ZNF469: variants seen among roughly 807,000 people sequenced by gnomAD.
ZNF469 encodes the protein zinc finger protein 469.
ZNF469 carries 1 observed loss-of-function variant against 1.0 expected under a neutral mutation model. The ratio of observed to expected loss-of-function variants is 1.00; its 90% CI spans 0.35 to 4.73. ZNF469 has a LOEUF of 4.73. Ranked by LOEUF, ZNF469 falls within the 30% of genes most tolerant of loss-of-function variation. ZNF469 has a pLI of 0.16. For missense variants in ZNF469, 6,100 were observed against 5,356.3 expected (o/e 1.14, Z -4.33); for synonymous variants, 2,703 against 2,363.4 (o/e 1.14, Z -4.17).
At chr16:88,381,278 TCACA>T (rs199753521), upstream of ZNF469, among the ~76,000 whole-genome samples, 13 of 117,934 alleles carry the variant, frequency 1.1e-4, no homozygotes, top group South Asian at 2.9e-4. Context: ...AGACATGCAC[TCACA>T]CACACGCACT....
At chr16:88,123,017 T>C in the ZNF469 span, among the ~76,000 whole-genome samples, 51 of 152,290 alleles carry the variant, frequency 3.3e-4, 1 homozygote, top group South Asian at 9.3e-3. Context: ...TTTTTGATAC[T>C]CAGATTGCCT....
chr16:88,234,647 G>C, the ZNF469 span: 4 of 152,270 alleles, frequency 2.6e-5, no homozygotes. Context: ...CGCTCTTCTG[G>C]AGCTGGACGG....
At chr16:88,155,045 G>C in the ZNF469 span, among the ~76,000 whole-genome samples, 4,694 of 152,316 alleles carry the variant, frequency 0.031, 225 homozygotes, top group African/African-American at 0.1. Context: ...TGGGGCTGGA[G>C]ATTCTGCATC....
intron 1 of ZNF469, among the ~76,000 whole-genome samples, chr16:88,398,920 C>T (rs1006573425): frequency 1.3e-5 from 2 of 152,224 alleles, no homozygotes; most frequent in African/African-American, 4.8e-5. Context: ...ACCTGCACTG[C>T]CTCATTTCAT....
At chr16:88,362,269 A>C in the ZNF469 span, among the ~76,000 whole-genome samples, 1 of 152,316 alleles carries the variant, frequency 6.6e-6, no homozygotes, top group Admixed American at 6.5e-5. Context: ...TGGTTTTTGC[A>C]TAGAATGTCA....
the ZNF469 span, among the ~76,000 whole-genome samples, chr16:88,328,559 G>A: frequency 1.3e-5 from 2 of 152,214 alleles, no homozygotes; most frequent in Admixed American, 6.5e-5. Flanking sequence ...CGATGCACCT[G>A]GCCTGACATG....
At chr16:88,346,078 T>C in the ZNF469 span, among the ~76,000 whole-genome samples, 11 of 152,240 alleles carry the variant, frequency 7.2e-5, no homozygotes, top group Non-Finnish European at 1.5e-5. Flanking sequence ...GCTAAAGTGC[T>C]GAACTTCACA....
At chr16:88,227,123 A>G in the ZNF469 span, among the ~76,000 whole-genome samples, 1 of 144,122 alleles carries the variant, frequency 6.9e-6, no homozygotes, top group African/African-American at 2.6e-5. Context: ...TCCCTCCTCC[A>G]CGCCGGGGCC....
At chr16:88,366,215 TCAC>T in the ZNF469 span, among the ~76,000 whole-genome samples, 1 of 150,420 alleles carries the variant, frequency 6.6e-6, no homozygotes, top group African/African-American at 2.5e-5. Flanking sequence ...ATCATCATCA[TCAC>T]CACCATCATA....
chr16:88,129,819 T>C, the ZNF469 span, among the ~76,000 whole-genome samples: 1 of 152,220 alleles, frequency 6.6e-6, no homozygotes, highest in African/African-American at 2.4e-5. Flanking sequence ...GATCGTGCCA[T>C]TGCACTTCAG....
At chr16:88,117,607 G>GTGGAGGTGCCACGTGCCTTCGGGGGACCA in the ZNF469 span, among the ~76,000 whole-genome samples, 1 of 148,816 alleles carries the variant, frequency 6.7e-6, no homozygotes, top group East Asian at 2.0e-4. Flanking sequence ...TTCGGGGACC[G>GTGGAGGTGCCACGTGCCTTCGGGGGACCA]TGGAGGTGCC....
chr16:88,306,624 T>C, the ZNF469 span, among the ~76,000 whole-genome samples: 1 of 152,122 alleles, frequency 6.6e-6, no homozygotes, highest in Non-Finnish European at 1.5e-5. Context: ...TGAAGCCCCA[T>C]GACTGCCCGG....
the ZNF469 span, among the ~76,000 whole-genome samples, chr16:88,130,706 CAAAAAAAA>C: frequency 0.021 from 2,166 of 103,444 alleles, 44 homozygotes; most frequent in African/African-American, 0.068. Context: ...AACTCTGTGT[CAAAAAAAA>C]AAAAAAAAAA....
chr16:88,423,900 T>C (rs750683533), intron 1 of ZNF469, among the ~76,000 whole-genome samples: 3 of 152,238 alleles, frequency 2.0e-5, no homozygotes, highest in Non-Finnish European at 4.4e-5. Flanking sequence ...TTCTGTTCAT[T>C]AGCAGTGAGG....
At chr16:88,262,277 A>AC in the ZNF469 span, among the ~76,000 whole-genome samples, 23 of 152,212 alleles carry the variant, frequency 1.5e-4, no homozygotes, top group African/African-American at 4.8e-4. The surrounding 1 kb of genome is among the most constrained non-coding windows in gnomAD (Gnocchi z 4.3). Context: ...GAAGAACTGG[A>AC]CATACTCCAG....
At chr16:88,163,477 T>C in the ZNF469 span, among the ~76,000 whole-genome samples, 1 of 149,034 alleles carries the variant, frequency 6.7e-6, no homozygotes, top group Non-Finnish European at 1.5e-5. Context: ...GATAGAAGGA[T>C]GGACAGAGAA....
chr16:88,188,043 C>T, the ZNF469 span, among the ~76,000 whole-genome samples: 1 of 152,110 alleles, frequency 6.6e-6, no homozygotes, highest in Non-Finnish European at 1.5e-5. Context: ...ATAACCCCAT[C>T]TCCACTTTGG....
At chr16:88,164,285 G>A in the ZNF469 span, among the ~76,000 whole-genome samples, 1 of 151,352 alleles carries the variant, frequency 6.6e-6, no homozygotes, top group South Asian at 2.1e-4. Context: ...ATGGGTAGAT[G>A]AATGAATGGA....
At chr16:88,417,116 G>T (rs923919047) in intron 1 of ZNF469, among the ~76,000 whole-genome samples, 1 of 152,206 alleles carries the variant, frequency 6.6e-6, no homozygotes, top group African/African-American at 2.4e-5. Flanking sequence ...AGGACTGTTT[G>T]TCTGCTGGGC....
Sources: allele counts gnomAD v4.1 joint callset (sites outside exome capture counted in the v4.1 genomes callset), GRCh38; gene constraint gnomAD v4.1.1; non-coding constraint Gnocchi (gnomAD v3.1); transcripts MANE v1.5; gene names NCBI Gene and HGNC (gene_info 2026-07-23, HGNC 2026-07-21).